The following WT1 variants were observed in gnomAD, a reference collection of about 807,000 sequenced individuals.
WT1 encodes the protein Wilms tumor protein.
In WT1, 8 loss-of-function variants were observed where a neutral mutation model predicts 60.8. The observed-to-expected ratio is 0.13, with a 90% CI of 0.08 to 0.24. WT1 has a LOEUF of 0.24. Ranked by LOEUF, WT1 falls within the 10% of genes least tolerant of loss-of-function variation. The pLI, the probability that WT1 is intolerant of heterozygous loss-of-function variation, is 1.00. For synonymous variants in WT1, 312 were observed against 297.1 expected (o/e 1.05, Z -0.52); for missense variants, 568 against 711.8 (o/e 0.80, Z 2.30).
intron 5 of WT1, among the ~76,000 whole-genome samples, chr11:32,410,229 C>G (rs1852452923): frequency 6.6e-6 from 1 of 152,194 alleles, no homozygotes; most frequent in Non-Finnish European, 1.5e-5. Flanking sequence ...CCATGCCTGC[C>G]CCATTTTTTC....
intron 9 of WT1, among the ~76,000 whole-genome samples, chr11:32,389,862 C>A (rs910349548): frequency 2.0e-5 from 3 of 152,084 alleles, no homozygotes; most frequent in Non-Finnish European, 4.4e-5. Context: ...CCCAAAGAGC[C>A]CTCAGACATT....
rs756695525 is a variant in WT1, at chr11:32,428,609, C to G, written c.672G>C (p.Thr224=). ...AGCTGGGCGTCCCGTCGAAGGTGAC[C>G]GTGCTGTAACCTGCGGGAGCGGCGG... Residue 224 remains threonine, a synonymous_variant, in exon 2 of 10, where the codon ACG becomes ACC. Transcript: ENST00000452863. The G allele has an allele frequency of 1.2e-6, 2 of 1,613,288 alleles. No individual in the cohort carries two copies. The highest frequency in any genetic ancestry group is 1.1e-5 in the South Asian group (1 of 91,072).
intron 6 of WT1, 134 bp from the exon 7 acceptor site, chr11:32,396,541 A>C (rs1226055747): frequency 9.1e-7 from 1 of 1,103,920 alleles, no homozygotes; most frequent in African/African-American, 1.5e-5. Context: ...ACTCCCATTC[A>C]CACTCCAGAT....
chr11:32,417,446 G>A (rs560451198), intron 4 of WT1, 131 bp downstream of exon 4: 15 of 820,710 alleles, frequency 1.8e-5, no homozygotes, highest in Admixed American at 1.1e-4. Flanking sequence ...GGAGGAAAGC[G>A]TTCTAATGTC....
chr11:32,430,005 A>C (rs563140991), intron 1 of WT1, among the ~76,000 whole-genome samples: 58 of 151,642 alleles, frequency 3.8e-4, no homozygotes, highest in African/African-American at 1.3e-3. Flanking sequence ...AAAGAAAAAA[A>C]AAAAGCTTCT....
chr11:32,435,399 C>A lies in WT1; in HGVS notation c.-39G>T. On this transcript the variant is annotated 5_prime_UTR_variant, in exon 1 of 10. Transcript: ENST00000452863. Reference sequence around the variant, plus strand: ...AGACGGCGGGGCCCGGGCGCCTGGGCTGCCGTCCCGGCTCTGGGTGGGTGG... The same window carrying A: ...AGACGGCGGGGCCCGGGCGCCTGGGATGCCGTCCCGGCTCTGGGTGGGTGG... The A allele has an allele frequency of 8.0e-7, 1 of 1,247,524 alleles. No homozygotes were observed. The allele number at this position is 1,247,524 out of a possible 1,614,324, so 77.3% of individuals were successfully genotyped here.
intron 5 of WT1, among the ~76,000 whole-genome samples, chr11:32,414,670 C>T (rs868019511): frequency 2.0e-5 from 3 of 152,030 alleles, no homozygotes; most frequent in Admixed American, 6.6e-5. Context: ...GTCAGGTGTT[C>T]AAGACCAGCC....
At chr11:32,430,058 G>A (rs1216298300) in intron 1 of WT1, among the ~76,000 whole-genome samples, 1 of 151,792 alleles carries the variant, frequency 6.6e-6, no homozygotes, top group Non-Finnish European at 1.5e-5. Flanking sequence ...GTGTGGCAGA[G>A]TGCAAGGGAG....
intron 5 of WT1, among the ~76,000 whole-genome samples, chr11:32,412,894 C>T (rs893719091): frequency 2.6e-5 from 4 of 151,816 alleles, no homozygotes; most frequent in East Asian, 2.0e-4. Context: ...GAGAAAGGAG[C>T]GGTTCAGTCA....
chr11:32,426,415 G>A (rs1411108720), intron 3 of WT1, among the ~76,000 whole-genome samples: 2 of 152,248 alleles, frequency 1.3e-5, no homozygotes, highest in African/African-American at 4.8e-5. Context: ...AGTTTTGCTA[G>A]GGAAGGAGAT....
intron 5 of WT1, among the ~76,000 whole-genome samples, chr11:32,409,695 C>T (rs1852434272): frequency 6.6e-6 from 1 of 152,112 alleles, no homozygotes; most frequent in African/African-American, 2.4e-5. Context: ...GAATTCCTGC[C>T]TCAGCTTTCC....
rs1332888095 is a variant in WT1, at chr11:32,434,776, G to A, written c.585C>T (p.Ser195=). Residue 195 remains serine, a synonymous_variant, in exon 1 of 10, where the codon TCC becomes TCT. Transcript: ENST00000452863. ...CGTTAGGAAACATCCTGGCCTGGCC[G>A]GATGACGCCTGGCTGGGCGGAGGAG... 5.6e-6 allele frequency: 9 copies of A among 1,612,544 alleles called. No homozygotes were observed. Among genetic ancestry groups the A allele is most frequent in the Middle Eastern group, 1.6e-4 (1 of 6,078 alleles).
rs1455790542 is a variant in WT1 at position 32,428,491 on chromosome 11, G to A, written c.784+6C>T. 1.2e-6 allele frequency: 2 copies of A among 1,614,024 alleles called. No individual in the cohort carries two copies. The highest frequency in any genetic ancestry group is 2.7e-5 in the African/African-American group (2 of 75,056). On this transcript the variant is annotated splice_donor_region_variant and intron_variant, in intron 2 of 9. Transcript: ENST00000452863. ...AGAAGGACTCCACTTGGTTCCGCTC[G>A]CTTACCCAGCGAGCCCTGCTGGCCC...
rs957047242 is a variant in WT1 at position 32,423,190 on chromosome 11, A to T, written c.887+4766T>A. Among the ~76,000 whole-genome samples, 7 of 152,302 alleles carry T rather than the reference A, an allele frequency of 4.6e-5. No homozygotes were observed. In the East Asian group the frequency reaches 1.2e-3, roughly 25 times the overall value. On this transcript the variant is annotated intron_variant, in intron 3 of 9. Transcript: ENST00000452863. ...ACTGACAGAAGAACTTTTCCCTGGT[A>T]CCTTCCCTCTGGGCAAGCCCAAACC...
chr11:32,425,344 C>T (rs1564992880), intron 3 of WT1, among the ~76,000 whole-genome samples: 1 of 152,054 alleles, frequency 6.6e-6, no homozygotes, highest in Non-Finnish European at 1.5e-5. Flanking sequence ...ATGAATGAAA[C>T]CAGGGACCAG....
chr11:32,429,836 C>G (rs1349839162), intron 1 of WT1, among the ~76,000 whole-genome samples: 2 of 152,044 alleles, frequency 1.3e-5, no homozygotes, highest in African/African-American at 2.4e-5. Context: ...AGCACCCATT[C>G]TCCCACTCTT....
Position 32,427,942 on chromosome 11 carries a change from C to T in WT1, c.887+14G>A, listed in dbSNP as rs757237600. On this transcript the variant is annotated intron_variant, in intron 3 of 9. Transcript: ENST00000452863. The stretch of plus-strand genomic sequence containing the variant: ...GTCCCAAGGACCCAGACGCAGAGCC[C>T]AGCGCCTTCCTACCTGCTGTAGGGC... 4.1e-5 allele frequency: 66 copies of T among 1,604,500 alleles called. No individual in the cohort carries two copies. In the Admixed American group the frequency reaches 1.1e-3, roughly 27 times the overall value.
intron 5 of WT1, among the ~76,000 whole-genome samples, chr11:32,413,020 C>T (rs1852551660): frequency 6.6e-6 from 1 of 152,108 alleles, no homozygotes; most frequent in Non-Finnish European, 1.5e-5. Context: ...TGAAAGATGT[C>T]TCCGTGGACT....
intron 5 of WT1, among the ~76,000 whole-genome samples, chr11:32,405,512 A>C (rs1052431966): frequency 7.4e-5 from 11 of 148,906 alleles, no homozygotes; most frequent in African/African-American, 2.7e-4. Flanking sequence ...TAAATGTATA[A>C]TAAAATATAT....
Sources: gnomAD v4.1 joint callset for allele counts (sites outside exome capture counted in the v4.1 genomes callset) on GRCh38, gnomAD v4.1.1 for gene constraint, MANE v1.5 for transcripts, NCBI Gene and HGNC (gene_info 2026-07-23, HGNC 2026-07-21) for gene names.